Variants in FILIP1L observed in about 807,000 individuals in gnomAD.
FILIP1L encodes filamin A interacting protein 1 like.
Under a neutral mutation model 96.6 loss-of-function variants are expected in FILIP1L, and 55 were observed. The ratio of observed to expected loss-of-function variants is 0.57; its 90% CI spans 0.46 to 0.71. The LOEUF (loss-of-function observed/expected upper bound fraction) is 0.71. FILIP1L is among the 30% of genes least tolerant of loss of function. FILIP1L has a pLI of 0.00. For missense variants in FILIP1L, 1,304 were observed against 1,321.2 expected (o/e 0.99, Z 0.20); for synonymous variants, 467 against 473.9 (o/e 0.99, Z 0.19).
At chr3:99,833,318 G>A (rs1942762775) in intron 5 of FILIP1L, 1 of 1,455,092 alleles carries the variant, frequency 6.9e-7, no homozygotes, top group Non-Finnish European at 9.6e-7. Flanking sequence ...AATTCTAAAA[G>A]TGTTGGTTTG....
At chr3:100,054,727 G>C (rs954548841) in intron 1 of FILIP1L, among the ~76,000 whole-genome samples, 1 of 152,114 alleles carries the variant, frequency 6.6e-6, no homozygotes, top group Non-Finnish European at 1.5e-5. Flanking sequence ...TCTTTTAGCA[G>C]TTCCCACCAA....
chr3:99,958,228 A>ATTG (rs1438823613), intron 1 of FILIP1L, among the ~76,000 whole-genome samples: 1 of 146,462 alleles, frequency 6.8e-6, no homozygotes, highest in East Asian at 2.0e-4. Context: ...TATTATTATT[A>ATTG]TTATTATTAT....
At chr3:99,959,710 A>G (rs866638514) in intron 1 of FILIP1L, among the ~76,000 whole-genome samples, 2 of 152,244 alleles carry the variant, frequency 1.3e-5, no homozygotes, top group African/African-American at 2.4e-5. Flanking sequence ...ACTCCAATAA[A>G]TAGAGCAATA....
chr3:99,980,773 G>T (rs1483899343), intron 1 of FILIP1L, among the ~76,000 whole-genome samples: 1 of 152,108 alleles, frequency 6.6e-6, no homozygotes, highest in Non-Finnish European at 1.5e-5. Context: ...ATTAGTTACA[G>T]GTGTGACTTG....
intron 1 of FILIP1L, among the ~76,000 whole-genome samples, chr3:100,030,006 G>A (rs938424327): frequency 3.3e-5 from 5 of 152,092 alleles, no homozygotes; most frequent in Admixed American, 2.6e-4. Context: ...TCTCACAACT[G>A]CTTCACATTT....
At chr3:99,906,198 C>G (rs1463777467) in intron 4 of FILIP1L, among the ~76,000 whole-genome samples, 6 of 152,100 alleles carry the variant, frequency 3.9e-5, no homozygotes. Context: ...GACCTTGTCT[C>G]TAAATAAGTA....
intron 1 of FILIP1L, among the ~76,000 whole-genome samples, chr3:100,097,680 A>G (rs1398244144): frequency 6.6e-6 from 1 of 152,188 alleles, no homozygotes; most frequent in Non-Finnish European, 1.5e-5. Flanking sequence ...TTTCTAAACT[A>G]TTAGGTTATT....
chr3:100,099,554 A>G (rs187197496), intron 1 of FILIP1L, among the ~76,000 whole-genome samples: 3 of 152,304 alleles, frequency 2.0e-5, no homozygotes, highest in Admixed American at 2.0e-4. Context: ...TAACTAAGTC[A>G]TTTAACTTTT....
At chr3:99,861,527 A>C (rs1271141181) in intron 4 of FILIP1L, among the ~76,000 whole-genome samples, 1 of 151,928 alleles carries the variant, frequency 6.6e-6, no homozygotes, top group East Asian at 1.9e-4. Context: ...CATTGTCTCC[A>C]TTCCTTCCTC....
intron 1 of FILIP1L, among the ~76,000 whole-genome samples, chr3:100,048,177 C>G (rs144358041): frequency 1.2e-4 from 18 of 152,374 alleles, no homozygotes; most frequent in African/African-American, 4.3e-4. Flanking sequence ...CTCTGCTGAA[C>G]AGCCCTCAGG....
At position 99,872,879 on chromosome 3, in the gene FILIP1L, G is replaced by A. The variant is rs145090125; in HGVS notation, c.606-21809C>T. 2.7e-3 allele frequency among the ~76,000 whole-genome samples: 412 copies of A among 151,790 alleles called. 4 individuals carry two copies. The highest frequency in any genetic ancestry group is 4.5e-3 in the Non-Finnish European group (308 of 67,976). On this transcript the variant is annotated intron_variant, in intron 4 of 5. Transcript: ENST00000477258. The stretch of plus-strand genomic sequence containing the variant: ...TTGCCCAGCTTTCCCAGGCAGAGAC[G>A]ATGTTAGTGCAGATGAAGGTCAAGG...
At chr3:99,982,582 A>G (rs1709160076) in intron 1 of FILIP1L, among the ~76,000 whole-genome samples, 1 of 152,046 alleles carries the variant, frequency 6.6e-6, no homozygotes, top group South Asian at 2.1e-4. Context: ...GGGCTCAAGC[A>G]TTCTGCCTAC....
intron 1 of FILIP1L, among the ~76,000 whole-genome samples, chr3:99,969,105 G>C (rs982722031): frequency 4.6e-5 from 7 of 152,130 alleles, no homozygotes; most frequent in Non-Finnish European, 8.8e-5. Context: ...TGCTGAAAAG[G>C]GGGGCCATGT....
intron 1 of FILIP1L, chr3:100,109,823 G>A (rs1351686652): frequency 6.6e-6 from 1 of 151,384 alleles, no homozygotes; most frequent in Admixed American, 6.6e-5. Flanking sequence ...TGCTAAAGTA[G>A]ATTAAAAAGC....
At chr3:100,012,507 C>T (rs530692281) in intron 1 of FILIP1L, among the ~76,000 whole-genome samples, 1 of 152,080 alleles carries the variant, frequency 6.6e-6, no homozygotes, top group African/African-American at 2.4e-5. Context: ...CTACATATCA[C>T]TTAGTAAAGG....
intron 5 of FILIP1L, among the ~76,000 whole-genome samples, chr3:99,838,656 C>T (rs975023536): frequency 1.6e-4 from 24 of 152,226 alleles, no homozygotes; most frequent in African/African-American, 5.3e-4. Context: ...TGTGTTGCCA[C>T]GGAAAGAGAA....
At chr3:99,897,365 G>A (rs1706291218) in intron 4 of FILIP1L, among the ~76,000 whole-genome samples, 1 of 150,044 alleles carries the variant, frequency 6.7e-6, no homozygotes, top group African/African-American at 2.5e-5. Context: ...GCTAGACTTT[G>A]TCTCAAAAAA....
chr3:99,928,435 T>C (rs983136540), intron 3 of FILIP1L, among the ~76,000 whole-genome samples: 15 of 152,148 alleles, frequency 9.9e-5, no homozygotes, highest in African/African-American at 3.4e-4. Context: ...GGTGTATGTA[T>C]ATAGGGGTAT....
chr3:99,844,982 A>T (rs951017325), intron 5 of FILIP1L, among the ~76,000 whole-genome samples: 1 of 152,214 alleles, frequency 6.6e-6, no homozygotes, highest in African/African-American at 2.4e-5. Flanking sequence ...TTGATAAATT[A>T]CCCAGTCTCA....
Sources: allele counts gnomAD v4.1 joint callset (sites outside exome capture counted in the v4.1 genomes callset), GRCh38; gene constraint gnomAD v4.1.1; transcripts MANE v1.5; gene names NCBI Gene and HGNC (gene_info 2026-07-23, HGNC 2026-07-21).